Variants in SLIT2 observed in about 807,000 individuals in gnomAD.
The protein encoded by SLIT2 is slit guidance ligand 2, also known as slit homolog 2 protein.
SLIT2 carries 41 observed loss-of-function variants against 185.7 expected under a neutral mutation model. The ratio of observed to expected loss-of-function variants is 0.22; its 90% CI spans 0.17 to 0.29. The LOEUF is 0.29. Ranked by LOEUF, SLIT2 falls within the 10% of genes least tolerant of loss-of-function variation. The pLI is 1.00. For synonymous variants in SLIT2, 693 were observed against 680.2 expected (o/e 1.02, Z -0.29); for missense variants, 1,571 against 1,909.0 (o/e 0.82, Z 3.30).
At chr4:20,506,692 A>G (rs2148819957) in intron 9 of SLIT2, among the ~76,000 whole-genome samples, 1 of 152,132 alleles carries the variant, frequency 6.6e-6, no homozygotes, top group African/African-American at 2.4e-5. Flanking sequence ...TTTATTCTAA[A>G]GACCCAAAAG....
intron 4 of SLIT2, among the ~76,000 whole-genome samples, chr4:20,416,074 T>G (rs1224937516): frequency 2.0e-5 from 3 of 152,170 alleles, no homozygotes; most frequent in Non-Finnish European, 1.5e-5. Flanking sequence ...GTATAAATCT[T>G]TGGAAAATGT....
At chr4:20,579,351 T>C (rs1448056676) in intron 29 of SLIT2, among the ~76,000 whole-genome samples, 1 of 151,940 alleles carries the variant, frequency 6.6e-6, no homozygotes. Context: ...CTTTCCTGTC[T>C]GTAATTAACA....
intron 26 of SLIT2, among the ~76,000 whole-genome samples, chr4:20,564,790 T>G (rs902874945): frequency 6.6e-6 from 1 of 151,802 alleles, no homozygotes; most frequent in Non-Finnish European, 1.5e-5. Context: ...TTGATTTTTT[T>G]TTTTTAGCTA....
In SLIT2 at chr4:20,254,778, C is replaced by T. The variant is rs777687832; in HGVS notation, c.179+784C>T. ...ACTGCGGCGACCCGGCGGTGCCCGGCTGCCCCCTCCGGCCCTTCCTGCTGA... is the reference window on the plus strand; with the variant it reads ...ACTGCGGCGACCCGGCGGTGCCCGGTTGCCCCCTCCGGCCCTTCCTGCTGA... On this transcript the variant is annotated intron_variant, in intron 1 of 36. Coordinates refer to ENST00000504154, the MANE Select transcript of SLIT2 (RefSeq NM_004787.4). This position sits in a 1 kb window ranked among gnomAD's most constrained non-coding sequence, Gnocchi z 5.1. 56 of 391,444 alleles carry T rather than the reference C, an allele frequency of 1.4e-4. No homozygotes were observed. Among genetic ancestry groups the T allele is most frequent in the Non-Finnish European group, 2.0e-4 (39 of 196,266 alleles). 24.2% of individuals were successfully genotyped at this position (391,444 alleles called of 1,614,324 possible).
intron 5 of SLIT2, among the ~76,000 whole-genome samples, chr4:20,478,289 T>A (rs543903489): frequency 6.6e-6 from 1 of 152,338 alleles, no homozygotes; most frequent in Non-Finnish European, 1.5e-5. Flanking sequence ...ATAACAGTAT[T>A]CAGAGAACTT....
intron 9 of SLIT2, among the ~76,000 whole-genome samples, chr4:20,508,049 A>G (rs1719363902): frequency 6.6e-6 from 1 of 152,032 alleles, no homozygotes; most frequent in African/African-American, 2.4e-5. Flanking sequence ...AATGATTTAC[A>G]TGTCCTTCAC....
In SLIT2 at chr4:20,251,947, T is replaced by A. The variant is rs1483790739; in HGVS notation, c.-1869T>A. ...TGGGAAGCGCCCGGACGGCGGAGCT[T>A]GGCGGCGGCGGTGGTGGTGGCTGCC... On this transcript the variant is annotated 5_prime_UTR_variant, in exon 1 of 37. Transcript: ENST00000504154. 6.6e-6 allele frequency among the ~76,000 whole-genome samples: 1 copy of A among 151,758 alleles called. No individual in the cohort carries two copies. Among genetic ancestry groups the A allele is most frequent in the African/African-American group, 2.4e-5 (1 of 41,300 alleles).
chr4:20,337,423 C>A (rs1720598123), intron 4 of SLIT2, among the ~76,000 whole-genome samples: 1 of 151,750 alleles, frequency 6.6e-6, no homozygotes, highest in African/African-American at 2.4e-5. Flanking sequence ...TGGGTGCCTC[C>A]CAGTGGGATA....
rs552267211 is a variant in SLIT2, at chr4:20,476,439, C to T, written c.468-4277C>T. ...TTTCTATCTTACAATAATAATAATA[C>T]GAACATAAAGTAAACTATTTCTAGC... On this transcript the variant is annotated intron_variant, in intron 5 of 36. Transcript: ENST00000504154. Among the ~76,000 whole-genome samples, 11 of 151,884 alleles carry T rather than the reference C, an allele frequency of 7.2e-5. No individual in the cohort carries two copies. In the South Asian group the frequency reaches 1.3e-3, roughly 17 times the overall value.
chr4:20,548,394 G>A (rs944816985), intron 22 of SLIT2, 94 bp from the exon 23 acceptor site: 7 of 681,786 alleles, frequency 1.0e-5, no homozygotes, highest in Non-Finnish European at 1.6e-5. Flanking sequence ...TAACAATACT[G>A]CTATGACTAT....
intron 29 of SLIT2, among the ~76,000 whole-genome samples, chr4:20,570,731 G>GTATATATATATATATATATATA (rs55841917): frequency 8.0e-5 from 10 of 125,544 alleles, no homozygotes; most frequent in African/African-American, 1.5e-4. Flanking sequence ...ATATATATAT[G>GTATATATATATATATATATATA]TATATATATA....
intron 4 of SLIT2, among the ~76,000 whole-genome samples, chr4:20,366,861 G>C (rs1180330666): frequency 6.6e-6 from 1 of 151,978 alleles, no homozygotes; most frequent in Non-Finnish European, 1.5e-5. Context: ...GCAGTGCTAT[G>C]ATCGCAGCTC....
intron 4 of SLIT2, among the ~76,000 whole-genome samples, chr4:20,407,249 A>T (rs1050429354): frequency 2.0e-5 from 3 of 152,152 alleles, no homozygotes; most frequent in Admixed American, 2.0e-4. Flanking sequence ...ATTGAGCTGT[A>T]TATGTATGAT....
intron 4 of SLIT2, chr4:20,393,223 A>G (rs1006657944): frequency 2.6e-5 from 4 of 152,094 alleles, no homozygotes; most frequent in Non-Finnish European, 5.9e-5. Context: ...TATGATAATT[A>G]AAGATACATA....
intron 1 of SLIT2, 39 bp from the exon 2 acceptor site, chr4:20,256,611 TACTTGAAGCAGGTAAACATAGA>T: frequency 1.2e-6 from 1 of 832,766 alleles, no homozygotes. Context: ...CTCTAAACTT[TACTTGAAGCAGGTAAACATAGA>T]AATAAAATGG....
At chr4:20,382,134 GA>G (rs1447465182) in intron 4 of SLIT2, among the ~76,000 whole-genome samples, 1 of 151,874 alleles carries the variant, frequency 6.6e-6, no homozygotes, top group Non-Finnish European at 1.5e-5. Context: ...TTTTCAAAAG[GA>G]AAAAGGATTT....
chr4:20,424,589 A>G (rs565038253), intron 4 of SLIT2, among the ~76,000 whole-genome samples: 45 of 152,256 alleles, frequency 3.0e-4, no homozygotes, highest in African/African-American at 1.1e-3. Context: ...GACAATCAAA[A>G]TACAGAAATC....
intron 26 of SLIT2, among the ~76,000 whole-genome samples, chr4:20,564,023 G>C (rs541590424): frequency 1.3e-5 from 2 of 151,944 alleles, no homozygotes; most frequent in Admixed American, 1.3e-4. Flanking sequence ...GACTGATCAA[G>C]TGTGGAAAAT....
At chr4:20,280,028 G>A (rs1176495386) in intron 4 of SLIT2, among the ~76,000 whole-genome samples, 1 of 152,066 alleles carries the variant, frequency 6.6e-6, no homozygotes, top group East Asian at 1.9e-4. Flanking sequence ...AAAAGCACTG[G>A]ATCAGAAGCC....
Sources: gnomAD v4.1 joint callset for allele counts (sites outside exome capture counted in the v4.1 genomes callset) on GRCh38, gnomAD v4.1.1 for gene constraint, Gnocchi (gnomAD v3.1) non-coding constraint, MANE v1.5 for transcripts, NCBI Gene and HGNC (gene_info 2026-07-23, HGNC 2026-07-21) for gene names.